The following TENM2 variants were observed in gnomAD, a reference collection of about 807,000 sequenced individuals.
TENM2 encodes teneurin transmembrane protein 2, also known as teneurin-2.
In TENM2, 52 loss-of-function variants were observed where a neutral mutation model predicts 245.2. The observed-to-expected ratio is 0.21, with a 90% CI of 0.17 to 0.27. The LOEUF (loss-of-function observed/expected upper bound fraction) is 0.27, where lower values mean the gene tolerates loss of function less well. Ranked by LOEUF, TENM2 falls within the 10% of genes least tolerant of loss-of-function variation. The pLI is 1.00. For synonymous variants in TENM2, 1,363 were observed against 1,438.9 expected (o/e 0.95, Z 1.19); for missense variants, 3,046 against 3,666.8 (o/e 0.83, Z 4.37).
At chr5:167,947,019 A>G (rs1483624162) in intron 3 of TENM2, among the ~76,000 whole-genome samples, 1 of 148,822 alleles carries the variant, frequency 6.7e-6, no homozygotes, top group African/African-American at 2.5e-5. Flanking sequence ...TCTTGAGACT[A>G]TCTGTTAATA....
At chr5:166,982,014 C>T in the TENM2 span, among the ~76,000 whole-genome samples, 2 of 152,092 alleles carry the variant, frequency 1.3e-5, no homozygotes, top group African/African-American at 2.4e-5. Flanking sequence ...CTTAACTAAG[C>T]TTCTTTTAAC....
At chr5:168,207,209 T>C (rs1762418617) in intron 19 of TENM2, among the ~76,000 whole-genome samples, 1 of 152,190 alleles carries the variant, frequency 6.6e-6, no homozygotes, top group Non-Finnish European at 1.5e-5. Context: ...GTCATCTTTG[T>C]CCTTTTAAGT....
At chr5:167,584,369 G>T (rs1163585233) in intron 2 of TENM2, among the ~76,000 whole-genome samples, 1 of 152,198 alleles carries the variant, frequency 6.6e-6, no homozygotes, top group South Asian at 2.1e-4. Context: ...CCAACAACCA[G>T]TCTGATTGGT....
chr5:168,026,015 T>C (rs1238407911), intron 5 of TENM2, among the ~76,000 whole-genome samples: 1 of 152,186 alleles, frequency 6.6e-6, no homozygotes, highest in African/African-American at 2.4e-5. Flanking sequence ...CTATTAATAA[T>C]AAGTTGTCTG....
At chr5:167,018,812 T>C in the TENM2 span, among the ~76,000 whole-genome samples, 3 of 152,202 alleles carry the variant, frequency 2.0e-5, no homozygotes, top group Non-Finnish European at 4.4e-5. Context: ...GAAAAGGCAA[T>C]CAAGCGGATC....
chr5:167,459,332 T>G (rs1261226603), intron 2 of TENM2, among the ~76,000 whole-genome samples: 1 of 152,226 alleles, frequency 6.6e-6, no homozygotes, highest in Admixed American at 6.5e-5. Flanking sequence ...TTTCCTTCCT[T>G]TTGAAGGCTG....
At chr5:168,170,201 G>C (rs1055222123) in intron 13 of TENM2, among the ~76,000 whole-genome samples, 1 of 152,108 alleles carries the variant, frequency 6.6e-6, no homozygotes, top group Admixed American at 6.5e-5. Context: ...TGCTACTGAG[G>C]TTTAGAAAAA....
intron 2 of TENM2, among the ~76,000 whole-genome samples, chr5:167,596,868 C>A (rs1217378030): frequency 6.6e-6 from 1 of 151,828 alleles, no homozygotes; most frequent in Non-Finnish European, 1.5e-5. Context: ...ATTAGGACTT[C>A]TGCATTCGGT....
chr5:167,116,414 G>T, the TENM2 span: 1 of 152,218 alleles, frequency 6.6e-6, no homozygotes, highest in Non-Finnish European at 1.5e-5. Context: ...GAAGAAGCAA[G>T]AATTCTGTGT....
At chr5:167,864,040 G>C (rs745466499) in intron 2 of TENM2, among the ~76,000 whole-genome samples, 1 of 152,080 alleles carries the variant, frequency 6.6e-6, no homozygotes, top group African/African-American at 2.4e-5. Flanking sequence ...CTACTGGTGG[G>C]TAGACTCCCA....
chr5:167,248,398 C>A, the TENM2 span, among the ~76,000 whole-genome samples: 1 of 152,138 alleles, frequency 6.6e-6, no homozygotes, highest in Admixed American at 6.6e-5. Flanking sequence ...CAGAATCCCA[C>A]GGAGGGTTCC....
At chr5:167,153,903 A>G in the TENM2 span, among the ~76,000 whole-genome samples, 2 of 152,176 alleles carry the variant, frequency 1.3e-5, no homozygotes, top group Admixed American at 6.5e-5. Context: ...TCCATTTGAA[A>G]TCTGTTTCTA....
chr5:168,013,614 A>AACAAG (rs978294449), intron 5 of TENM2, among the ~76,000 whole-genome samples: 3 of 151,656 alleles, frequency 2.0e-5, no homozygotes, highest in Non-Finnish European at 4.4e-5. Context: ...AACAAAACAA[A>AACAAG]ACAAAACAAA....
Position 168,262,040 on chromosome 5 carries a change from T to C in TENM2, c.7564-9T>C. The C allele has an allele frequency of 1.9e-6, 3 of 1,605,318 alleles. No homozygotes were observed. Among genetic ancestry groups the C allele is most frequent in the African/African-American group, 1.3e-5 (1 of 74,686 alleles). On this transcript the variant is annotated splice_polypyrimidine_tract_variant and intron_variant, in intron 28 of 28. Transcript: ENST00000518659. ...CTTCTCAGCTTTCTCTGTTTTCTTATCCCCACAGCTCATTACAGGTGTCCA... is the reference window on the plus strand; with the variant it reads ...CTTCTCAGCTTTCTCTGTTTTCTTACCCCCACAGCTCATTACAGGTGTCCA...
At chr5:166,995,814 CAAAAAAAAAA>C in the TENM2 span, among the ~76,000 whole-genome samples, 4 of 59,264 alleles carry the variant, frequency 6.7e-5, no homozygotes, top group East Asian at 1.1e-3. Flanking sequence ...GACTCCATCT[CAAAAAAAAAA>C]AAAAAAAAAA....
intron 2 of TENM2, among the ~76,000 whole-genome samples, chr5:167,849,092 C>T (rs1212493007): frequency 6.6e-6 from 1 of 152,168 alleles, no homozygotes; most frequent in Non-Finnish European, 1.5e-5. Context: ...GTCAACATGA[C>T]AGCATTTCTT....
intron 12 of TENM2, among the ~76,000 whole-genome samples, chr5:168,162,048 T>G (rs1757793456): frequency 6.6e-6 from 1 of 152,146 alleles, no homozygotes; most frequent in South Asian, 2.1e-4. Context: ...AAGTGCCCCT[T>G]AAAACTAAAT....
At chr5:168,198,038 G>A (rs1197377841) in intron 15 of TENM2, among the ~76,000 whole-genome samples, 1 of 152,110 alleles carries the variant, frequency 6.6e-6, no homozygotes, top group Admixed American at 6.5e-5. Flanking sequence ...CGAGTGGCCA[G>A]CAAACATTTT....
chr5:167,088,949 G>A, the TENM2 span, among the ~76,000 whole-genome samples: 3 of 152,180 alleles, frequency 2.0e-5, no homozygotes, highest in South Asian at 6.2e-4. Context: ...GAACTCCAAC[G>A]TTTCTGCATT....
Sources: gnomAD v4.1 joint callset for allele counts (sites outside exome capture counted in the v4.1 genomes callset) on GRCh38, gnomAD v4.1.1 for gene constraint, MANE v1.5 for transcripts, NCBI Gene and HGNC (gene_info 2026-07-23, HGNC 2026-07-21) for gene names.